The following PRRC2C variants were observed in gnomAD, a reference collection of about 807,000 sequenced individuals.
PRRC2C encodes the protein proline rich coiled-coil 2C.
PRRC2C carries 72 observed loss-of-function variants against 317.2 expected under a neutral mutation model. That is an observed-to-expected ratio of 0.23 (90% CI 0.19 to 0.28). The LOEUF is 0.28. Among genes scored for constraint, PRRC2C ranks in the 10% least tolerant of loss-of-function variants. The pLI is 1.00. For missense variants in PRRC2C, 3,074 were observed against 3,459.7 expected (o/e 0.89, Z 2.80); for synonymous variants, 1,296 against 1,205.9 (o/e 1.07, Z -1.55).
At chr1:171,508,661 A>C (rs1240930282) in intron 1 of PRRC2C, among the ~76,000 whole-genome samples, 1 of 152,202 alleles carries the variant, frequency 6.6e-6, no homozygotes, top group East Asian at 1.9e-4. Context: ...GTGTTCCTTC[A>C]TAAGAATATG....
In PRRC2C at chr1:171,541,154, G is replaced by A; in HGVS notation, c.3688G>A (p.Ala1230Thr). The A allele has an allele frequency of 1.2e-6, 2 of 1,613,624 alleles. No homozygotes were observed. Among genetic ancestry groups the A allele is most frequent in the South Asian group, 2.2e-5 (2 of 91,014 alleles). The change falls in exon 16 of 35, where the codon GCA becomes ACA. Residue 1230 changes from alanine (A) to threonine (T), a missense_variant. By Grantham distance (58) the Ala-to-Thr change is moderately conservative. Around this residue, in one of 11 missense-constraint regions of PRRC2C, gnomAD observed 1,320 missense variants for 1,395.7 expected, o/e 0.95. Transcript: ENST00000647382. This position sits in a 1 kb window ranked among gnomAD's most constrained non-coding sequence, Gnocchi z 4.1. The part of the protein sequence containing the change: ...YPQYRDNKPR[A>T]EHIPSGPLRQ... ...TCAGTATAGAGACAATAAGCCAAGA[G>A]CAGAGCATATACCCTCAGGGCCTCT...
intron 30 of PRRC2C, among the ~76,000 whole-genome samples, chr1:171,584,758 A>G (rs1308234002): frequency 6.6e-6 from 1 of 151,618 alleles, no homozygotes; most frequent in Admixed American, 6.6e-5. Flanking sequence ...CTGTTTTTTT[A>G]TATCTTCCAG....
At chr1:171,549,977 G>T (rs1679893615) in intron 17 of PRRC2C, 109 bp from the exon 18 acceptor site, 5 of 795,196 alleles carry the variant, frequency 6.3e-6, no homozygotes, top group Middle Eastern at 4.1e-4. Flanking sequence ...ATAGGAACTA[G>T]GCCTTTGGCT....
chr1:171,561,959 C>A (rs1254419673), intron 20 of PRRC2C, among the ~76,000 whole-genome samples: 1 of 152,062 alleles, frequency 6.6e-6, no homozygotes, highest in Non-Finnish European at 1.5e-5. Context: ...GTCAAAAAGC[C>A]CTACTGTCAT....
intron 1 of PRRC2C, among the ~76,000 whole-genome samples, chr1:171,496,306 G>A (rs113007408): frequency 0.041 from 5,853 of 144,328 alleles, 345 homozygotes; most frequent in African/African-American, 0.14. Flanking sequence ...GGGTGCAAGC[G>A]ATTCTCTTGC....
At chr1:171,509,672 C>A (rs919670798) in intron 1 of PRRC2C, 16 of 151,572 alleles carry the variant, frequency 1.1e-4, no homozygotes, top group African/African-American at 3.9e-4. Flanking sequence ...GTCGGTAGGT[C>A]TTAACATTTT....
chr1:171,553,749 T>C (rs1267774560), intron 18 of PRRC2C, among the ~76,000 whole-genome samples: 3 of 152,222 alleles, frequency 2.0e-5, no homozygotes, highest in Non-Finnish European at 4.4e-5. Flanking sequence ...TAGGAGCAGG[T>C]TGTTCAGTTT....
At chr1:171,533,539 A>G (rs928002089) in intron 12 of PRRC2C, among the ~76,000 whole-genome samples, 21 of 152,184 alleles carry the variant, frequency 1.4e-4, no homozygotes, top group Admixed American at 7.9e-4. Context: ...TTGTAGACTG[A>G]TTAATGGCAT....
At chr1:171,498,833 G>A (rs1277440343) in intron 1 of PRRC2C, among the ~76,000 whole-genome samples, 2 of 152,136 alleles carry the variant, frequency 1.3e-5, no homozygotes, top group African/African-American at 4.8e-5. Context: ...TTGGAGGGGA[G>A]ACTGGGTCTT....
intron 34 of PRRC2C, 113 bp from the exon 35 acceptor site, chr1:171,591,474 A>T: frequency 1.5e-6 from 2 of 1,379,056 alleles, no homozygotes; most frequent in Non-Finnish European, 2.0e-6. Context: ...GCTTTGGCCA[A>T]ACCAGTGTGG....
chr1:171,548,713 A>G (rs1679627753), intron 17 of PRRC2C, among the ~76,000 whole-genome samples: 1 of 152,202 alleles, frequency 6.6e-6, no homozygotes, highest in Admixed American at 6.5e-5. Context: ...TAATTTTAAG[A>G]TAGCCAAAAT....
chr1:171,518,683 G>T (rs112082194), intron 6 of PRRC2C, among the ~76,000 whole-genome samples: 3,719 of 22,384 alleles, frequency 0.17, 211 homozygotes, highest in African/African-American at 0.34. Context: ...TTTTTTTTTT[G>T]GTAGAGATGG....
intron 26 of PRRC2C, 60 bp downstream of exon 26, chr1:171,577,697 AT>A (rs1456014966): frequency 2.1e-6 from 3 of 1,459,152 alleles, no homozygotes; most frequent in Non-Finnish European, 2.8e-6. Flanking sequence ...TAAAATGCTT[AT>A]TTTTGTCTCT....
At chr1:171,531,532 A>G (rs1225997070) in intron 11 of PRRC2C, among the ~76,000 whole-genome samples, 2 of 152,216 alleles carry the variant, frequency 1.3e-5, no homozygotes, top group Non-Finnish European at 1.5e-5. Flanking sequence ...TCTTTTTATA[A>G]GCATTCCAGC....
intron 28 of PRRC2C, among the ~76,000 whole-genome samples, chr1:171,582,232 G>C (rs971234134): frequency 6.6e-6 from 1 of 152,196 alleles, no homozygotes; most frequent in African/African-American, 2.4e-5. Flanking sequence ...GAACTTTGTA[G>C]TGAACACAAA....
chr1:171,590,006 A>G (rs1396150286), intron 34 of PRRC2C, among the ~76,000 whole-genome samples: 1 of 137,136 alleles, frequency 7.3e-6, no homozygotes, highest in Non-Finnish European at 1.6e-5. Context: ...TTTTTAATAT[A>G]TATTTTCTTC....
chr1:171,486,781 C>G (rs1213212641), intron 1 of PRRC2C, among the ~76,000 whole-genome samples: 1 of 152,112 alleles, frequency 6.6e-6, no homozygotes, highest in Admixed American at 6.5e-5. Context: ...TACTTAATAG[C>G]TTACTCCTGC....
chr1:171,534,203 T>C lies in PRRC2C; in HGVS notation c.1874-1225T>C, dbSNP rs142688343. On this transcript the variant is annotated intron_variant, in intron 12 of 34. Coordinates refer to ENST00000647382, the MANE Select transcript of PRRC2C (RefSeq NM_001387844.1). ...AATAAGGCCTGTATGGACCATTTGT[T>C]AAGACTCTAAGATTTCAGATTTTTT... 3.8e-3 allele frequency among the ~76,000 whole-genome samples: 585 copies of C among 152,290 alleles called. 3 individuals carry two copies. The highest frequency in any genetic ancestry group is 0.013 in the African/African-American group (534 of 41,566).
At chr1:171,573,963 C>A (rs977605126) in intron 24 of PRRC2C, among the ~76,000 whole-genome samples, 8 of 151,846 alleles carry the variant, frequency 5.3e-5, no homozygotes, top group Non-Finnish European at 1.0e-4. Context: ...AGGGGTGAGC[C>A]ACCGCACCCG....
Sources: gnomAD v4.1 joint callset for allele counts (sites outside exome capture counted in the v4.1 genomes callset) on GRCh38, gnomAD v4.1.1 for gene constraint, gnomAD v4.1.1 regional missense constraint, Gnocchi (gnomAD v3.1) non-coding constraint, MANE v1.5 for transcripts, NCBI Gene and HGNC (gene_info 2026-07-23, HGNC 2026-07-21) for gene names.